The following STK3 variants were observed in gnomAD, a reference collection of about 807,000 sequenced individuals.
STK3 encodes the protein serine/threonine kinase 3.
A neutral mutation model predicts 58.0 loss-of-function variants in STK3; 41 were observed. That is an observed-to-expected ratio of 0.71 (90% CI 0.55 to 0.92). The LOEUF (loss-of-function observed/expected upper bound fraction) is 0.92. Among genes scored for constraint, STK3 ranks in the 40% least tolerant of loss-of-function variants. The pLI, the probability that STK3 is intolerant of heterozygous loss-of-function variation, is 0.00. For synonymous variants in STK3, 170 were observed against 191.0 expected (o/e 0.89, Z 0.91); for missense variants, 479 against 602.7 (o/e 0.79, Z 2.15).
At position 98,594,656 on chromosome 8, in the gene STK3, T is replaced by C. The variant is rs138317763; in HGVS notation, c.822+1376A>G. On this transcript the variant is annotated intron_variant, in intron 7 of 10. Coordinates refer to ENST00000419617, the MANE Select transcript of STK3 (RefSeq NM_006281.4). Reference sequence around the variant, plus strand: ...ACATATAATATACATATATAACACATACATATATATTTCAAATGAATATTG... The same window carrying C: ...ACATATAATATACATATATAACACACACATATATATTTCAAATGAATATTG... Among the ~76,000 whole-genome samples, 35 of 152,248 alleles carry C rather than the reference T, an allele frequency of 2.3e-4. 1 individual carries two copies. In the East Asian group the frequency reaches 5.0e-3, roughly 22 times the overall value.
At chr8:98,803,265 T>C (rs951004540) in intron 1 of STK3, among the ~76,000 whole-genome samples, 8 of 152,132 alleles carry the variant, frequency 5.3e-5, no homozygotes, top group African/African-American at 1.9e-4. Flanking sequence ...TCTTCTATAC[T>C]TTGAATGAAT....
At chr8:98,811,629 T>C (rs576701728) in intron 1 of STK3, among the ~76,000 whole-genome samples, 14 of 151,300 alleles carry the variant, frequency 9.3e-5, no homozygotes, top group South Asian at 2.1e-4. Flanking sequence ...TTAAAACACA[T>C]GAAAGGTTTT....
Position 98,517,136 on chromosome 8 carries a change from T to C in STK3, c.1317+9606A>G, listed in dbSNP as rs1336994811. Among the ~76,000 whole-genome samples, 3 of 152,090 alleles carry C rather than the reference T, an allele frequency of 2.0e-5. No homozygotes were observed. In the East Asian group the frequency reaches 5.8e-4, roughly 29 times the overall value. On this transcript the variant is annotated intron_variant, in intron 10 of 10. Coordinates refer to ENST00000419617, the MANE Select transcript of STK3 (RefSeq NM_006281.4). Reference sequence around the variant, plus strand: ...GTAAGGTATCTTTTTTCCAAAATACTTTCATCTGCTATGAGAAACAACATT... The same window carrying C: ...GTAAGGTATCTTTTTTCCAAAATACCTTCATCTGCTATGAGAAACAACATT...
intron 9 of STK3, among the ~76,000 whole-genome samples, chr8:98,537,970 C>T (rs1830613171): frequency 6.6e-6 from 1 of 152,000 alleles, no homozygotes; most frequent in African/African-American, 2.4e-5. Context: ...TGCACATCTT[C>T]TAAACAAGTA....
At chr8:98,609,448 C>T (rs1191501944) in intron 6 of STK3, among the ~76,000 whole-genome samples, 2 of 152,186 alleles carry the variant, frequency 1.3e-5, no homozygotes, top group East Asian at 3.9e-4. Flanking sequence ...GTATACTTTA[C>T]ACTGCATTAG....
At chr8:98,445,870 G>A (rs1259035962) in intron 1 of STK3, among the ~76,000 whole-genome samples, 1 of 152,128 alleles carries the variant, frequency 6.6e-6, no homozygotes, top group Non-Finnish European at 1.5e-5. Flanking sequence ...GAGTACAGCC[G>A]AGTGTGACCA....
intron 3 of STK3, among the ~76,000 whole-genome samples, chr8:98,754,358 A>C (rs960487667): frequency 2.6e-5 from 4 of 152,066 alleles, no homozygotes; most frequent in Admixed American, 2.6e-4. Flanking sequence ...CATGAGAGCC[A>C]CCTGTGACCC....
chr8:98,666,214 G>T (rs1177775483), intron 6 of STK3, among the ~76,000 whole-genome samples: 3 of 151,398 alleles, frequency 2.0e-5, no homozygotes, highest in African/African-American at 7.3e-5. Flanking sequence ...ATCACACAGA[G>T]GTATTCTGAT....
At chr8:98,399,469 G>A (rs1001809917), downstream of STK3, among the ~76,000 whole-genome samples, 3 of 152,242 alleles carry the variant, frequency 2.0e-5, no homozygotes, top group African/African-American at 7.2e-5. Context: ...GCCACGGCAG[G>A]GAAGGAGACT....
intron 6 of STK3, among the ~76,000 whole-genome samples, chr8:98,664,152 GCCC>G (rs1411451883): frequency 1.3e-5 from 2 of 152,006 alleles, no homozygotes; most frequent in Non-Finnish European, 2.9e-5. Context: ...TACCAAACCT[GCCC>G]CCATTTCTTT....
At chr8:98,618,978 C>T (rs369767717) in intron 6 of STK3, among the ~76,000 whole-genome samples, 58 of 149,086 alleles carry the variant, frequency 3.9e-4, no homozygotes, top group African/African-American at 9.9e-4. Flanking sequence ...AAAGTTCATA[C>T]GGAACCAAAA....
chr8:98,716,840 CA>C (rs569419449), intron 4 of STK3, among the ~76,000 whole-genome samples: 22 of 152,086 alleles, frequency 1.4e-4, no homozygotes, highest in Middle Eastern at 3.4e-3. Context: ...ATGGGAGGAA[CA>C]GAGTAGAAAA....
At chr8:98,581,143 T>C (rs1813848711) in intron 7 of STK3, among the ~76,000 whole-genome samples, 1 of 152,222 alleles carries the variant, frequency 6.6e-6, no homozygotes, top group Non-Finnish European at 1.5e-5. Context: ...ACTAAGTGAA[T>C]GCGGGAGCAA....
intron 3 of STK3, among the ~76,000 whole-genome samples, chr8:98,830,925 G>C (rs993828482): frequency 2.1e-5 from 3 of 142,322 alleles, no homozygotes; most frequent in African/African-American, 7.9e-5. Context: ...AGCCGAGATA[G>C]TGCCACTGCA....
chr8:98,681,161 G>A (rs926530687), intron 6 of STK3, among the ~76,000 whole-genome samples: 7 of 151,892 alleles, frequency 4.6e-5, no homozygotes, highest in Non-Finnish European at 8.8e-5. Flanking sequence ...ACCACACACG[G>A]CTAATTTTTG....
Position 98,649,413 on chromosome 8 carries a change from C to T in STK3, c.685-53244G>A, listed in dbSNP as rs1006227212. On this transcript the variant is annotated intron_variant, in intron 6 of 10. Coordinates refer to ENST00000419617, the MANE Select transcript of STK3 (RefSeq NM_006281.4). The stretch of plus-strand genomic sequence containing the variant: ...TTCCTATGTTGGTTAGAAACTTCTC[C>T]CAAGTTTCTAATTCATGCATATAGT... Among the ~76,000 whole-genome samples the T allele has an allele frequency of 3.3e-5, 5 of 152,200 alleles. No homozygotes were observed. The East Asian group carries it at 7.7e-4, about 23-fold the overall frequency.
rs1170155388 is a variant in STK3 at position 98,428,619 on chromosome 8, A to G, written n.483+5508T>C. The G allele has an allele frequency of 5.0e-6, 8 of 1,613,902 alleles. No homozygotes were observed. The highest frequency in any genetic ancestry group is 6.8e-6 in the Non-Finnish European group (8 of 1,179,992). ...CCTCAATAGCCTGCCCGATTTCCAA[A>G]TCCCTGACAGCCAGGGCAACCCTGG... On this transcript the variant is annotated intron_variant and non_coding_transcript_variant, in intron 3 of 3. Coordinates refer to the STK3 transcript ENST00000517832. The surrounding 1 kb of genome is among the most constrained non-coding windows in gnomAD (Gnocchi z 6.7).
At chr8:98,851,814 C>A (rs1836479957) in intron 3 of STK3, among the ~76,000 whole-genome samples, 1 of 152,044 alleles carries the variant, frequency 6.6e-6, no homozygotes, top group Non-Finnish European at 1.5e-5. Flanking sequence ...GATACCTTGT[C>A]TTTACAAAAA....
intron 10 of STK3, among the ~76,000 whole-genome samples, chr8:98,501,755 T>C (rs1050074007): frequency 6.6e-6 from 1 of 152,264 alleles, no homozygotes; most frequent in African/African-American, 2.4e-5. Flanking sequence ...TTCTGTTCCA[T>C]TGGTCTATTT....
Sources: gnomAD v4.1 joint callset for allele counts (sites outside exome capture counted in the v4.1 genomes callset) on GRCh38, gnomAD v4.1.1 for gene constraint, Gnocchi (gnomAD v3.1) non-coding constraint, MANE v1.5 for transcripts, NCBI Gene and HGNC (gene_info 2026-07-23, HGNC 2026-07-21) for gene names.